PJA2: variants seen among roughly 807,000 people sequenced by gnomAD.
The protein encoded by PJA2 is E3 ubiquitin-protein ligase Praja-2.
In PJA2, 25 loss-of-function variants were observed where a neutral mutation model predicts 69.3. That is an observed-to-expected ratio of 0.36 (90% CI 0.26 to 0.50). The LOEUF (loss-of-function observed/expected upper bound fraction) is 0.50. Among genes scored for constraint, PJA2 ranks in the 20% least tolerant of loss-of-function variants. The probability of loss-of-function intolerance (pLI) is 0.96; values close to 1 mark genes in which losing one functional copy is unlikely to be tolerated. For missense variants in PJA2, 809 were observed against 830.2 expected, an observed-to-expected ratio of 0.97 and a Z score of 0.31; for synonymous variants, 308 against 277.8, an observed-to-expected ratio of 1.11 and a Z score of -1.08.
At chr5:109,406,811 T>C (rs1327646147) in intron 1 of PJA2, among the ~76,000 whole-genome samples, 1 of 152,238 alleles carries the variant, frequency 6.6e-6, no homozygotes, top group Non-Finnish European at 1.5e-5. Flanking sequence ...ATAGGTGGAA[T>C]GGTCAACAAA....
chr5:109,406,813 G>A (rs78157390), intron 1 of PJA2, among the ~76,000 whole-genome samples: 5,773 of 152,296 alleles, frequency 0.038, 112 homozygotes, highest in Middle Eastern at 0.051. Context: ...AGGTGGAATG[G>A]TCAACAAACT....
intron 7 of PJA2, among the ~76,000 whole-genome samples, chr5:109,346,035 A>G (rs1373974965): frequency 6.6e-6 from 1 of 152,132 alleles, no homozygotes; most frequent in Non-Finnish European, 1.5e-5. Context: ...CTTTCTGTCC[A>G]TCCTTTAAGT....
At chr5:109,365,899 AAAC>A (rs1437300043) in intron 5 of PJA2, among the ~76,000 whole-genome samples, 1 of 152,218 alleles carries the variant, frequency 6.6e-6, no homozygotes, top group East Asian at 1.9e-4. Flanking sequence ...ACAAATTTTA[AAAC>A]CTTGAAGGTT....
intron 1 of PJA2, among the ~76,000 whole-genome samples, chr5:109,392,139 A>T (rs1013214146): frequency 6.6e-6 from 1 of 152,228 alleles, no homozygotes; most frequent in African/African-American, 2.4e-5. Flanking sequence ...AGAATAACCA[A>T]AGTTATCACT....
At chr5:109,376,809 AACT>A (rs1470020431) in intron 4 of PJA2, among the ~76,000 whole-genome samples, 1 of 152,122 alleles carries the variant, frequency 6.6e-6, no homozygotes, top group Non-Finnish European at 1.5e-5. Flanking sequence ...CCAGATTTAG[AACT>A]ACTACTTAAC....
intron 5 of PJA2, 96 bp downstream of exon 5, chr5:109,368,465 C>T (rs543707692): frequency 8.7e-7 from 1 of 1,146,180 alleles, no homozygotes. Context: ...CTACATAAGG[C>T]TTATAAATAC....
In PJA2 at chr5:109,344,710, T is replaced by C. The variant is rs1762145474; in HGVS notation, c.1874A>G (p.His625Arg). ...GAGATCAACTTTGCCCTTACCAGTG[T>C]GATCTTCAAGAACAAGGGTCTCTGG... ...GLPETLVLED[H>R]TAIGQEQCCP... The change falls in exon 8 of 10, where the codon CAC (histidine) becomes CGC (arginine). Residue 625 changes from histidine to arginine, a missense_variant. Physicochemically the swap from His to Arg is conservative, Grantham distance 29 (BLOSUM62 0). This residue lies in a region of PJA2 where 55 missense variants were observed against 90.7 expected (regional missense o/e 0.61). Transcript: ENST00000361189. The C allele has an allele frequency of 6.8e-6, 11 of 1,610,846 alleles. No homozygotes were observed. Among genetic ancestry groups the C allele is most frequent in the Non-Finnish European group, 9.3e-6 (11 of 1,177,432 alleles).
intron 4 of PJA2, among the ~76,000 whole-genome samples, chr5:109,372,416 T>A (rs1454772487): frequency 6.6e-6 from 1 of 152,206 alleles, no homozygotes; most frequent in Non-Finnish European, 1.5e-5. Context: ...TTTCAAGACC[T>A]TCCTGTATAA....
intron 2 of PJA2, among the ~76,000 whole-genome samples, chr5:109,383,022 T>A (rs890439069): frequency 6.6e-6 from 1 of 152,142 alleles, no homozygotes; most frequent in Non-Finnish European, 1.5e-5. Flanking sequence ...TTTAATCCCA[T>A]CAGTAATCTT....
chr5:109,386,114 C>G (rs996427366), intron 1 of PJA2, among the ~76,000 whole-genome samples: 1 of 148,696 alleles, frequency 6.7e-6, no homozygotes, highest in Non-Finnish European at 1.5e-5. Context: ...CAGTGAGACT[C>G]TGTCTCAAAA....
rs953732315 is a variant in PJA2 at position 109,334,867 on chromosome 5, T to C, written c.*2364A>G. The C allele has an allele frequency of 6.6e-6, 1 of 152,568 alleles. No individual in the cohort carries two copies. Among genetic ancestry groups the C allele is most frequent in the Non-Finnish European group, 1.5e-5 (1 of 68,020 alleles). 9.5% of individuals were successfully genotyped at this position (152,568 alleles called of 1,614,324 possible). On this transcript the variant is annotated 3_prime_UTR_variant, in exon 10 of 10. Coordinates refer to ENST00000361189, the MANE Select transcript of PJA2 (RefSeq NM_014819.5). Reference sequence around the variant, plus strand: ...TAACAATTCGTATGTATCTAACAAATACATAAATCCAGATCACAAATAATC... The same window carrying C: ...TAACAATTCGTATGTATCTAACAAACACATAAATCCAGATCACAAATAATC...
At chr5:109,400,588 A>G (rs959583913) in intron 1 of PJA2, among the ~76,000 whole-genome samples, 1 of 152,270 alleles carries the variant, frequency 6.6e-6, no homozygotes, top group African/African-American at 2.4e-5. Context: ...AAATCCCAAG[A>G]AGCTCAGTGA....
At chr5:109,348,414 A>G (rs1762201037) in intron 7 of PJA2, among the ~76,000 whole-genome samples, 1 of 152,194 alleles carries the variant, frequency 6.6e-6, no homozygotes, top group African/African-American at 2.4e-5. Context: ...TAGTCTCATC[A>G]AATTTCTCAA....
At chr5:109,385,062 G>A (rs1302796577) in intron 1 of PJA2, among the ~76,000 whole-genome samples, 1 of 152,156 alleles carries the variant, frequency 6.6e-6, no homozygotes, top group Non-Finnish European at 1.5e-5. Flanking sequence ...TGATCCACCT[G>A]CCTTGGCCAC....
At chr5:109,373,422 C>T (rs1762709915) in intron 4 of PJA2, among the ~76,000 whole-genome samples, 1 of 151,942 alleles carries the variant, frequency 6.6e-6, no homozygotes, top group Admixed American at 6.6e-5. Context: ...ACTACTATCC[C>T]CTAATATGGA....
At chr5:109,350,673 A>G (rs933641249) in intron 7 of PJA2, among the ~76,000 whole-genome samples, 17 of 152,308 alleles carry the variant, frequency 1.1e-4, no homozygotes, top group Non-Finnish European at 2.2e-4. Context: ...TATTATTCCC[A>G]TTTTGTAAAT....
In PJA2 at chr5:109,378,452, T is replaced by C. The variant is rs1746951430; in HGVS notation, c.1035A>G (p.Arg345=). The C allele has an allele frequency of 1.9e-6, 3 of 1,614,166 alleles. No homozygotes were observed. The highest frequency in any genetic ancestry group is 2.2e-5 in the East Asian group (1 of 44,880). The part of the protein sequence containing the change: ...RHEAKQRSVQ[R]WREALEVEES... The stretch of plus-strand genomic sequence containing the variant: ...CCTCAACTTCCAAAGCCTCTCTCCA[T>C]CTTTGAACACTTCTTTGTTTCGCCT... Residue 345 remains arginine (R), a synonymous_variant, in exon 4 of 10, where the codon AGA becomes AGG. Transcript: ENST00000361189.
intron 1 of PJA2, among the ~76,000 whole-genome samples, chr5:109,385,652 G>T (rs895175909): frequency 6.6e-6 from 1 of 152,148 alleles, no homozygotes; most frequent in African/African-American, 2.4e-5. Flanking sequence ...ACCAAAACAG[G>T]TATGAACTTG....
intron 1 of PJA2, among the ~76,000 whole-genome samples, chr5:109,399,364 G>A (rs1177741421): frequency 6.6e-6 from 1 of 152,116 alleles, no homozygotes; most frequent in Non-Finnish European, 1.5e-5. Context: ...CCATCTCCAG[G>A]CTAGTCAGCA....
Sources: allele counts gnomAD v4.1 joint callset (sites outside exome capture counted in the v4.1 genomes callset), GRCh38; gene constraint gnomAD v4.1.1; regional missense constraint gnomAD v4.1.1; transcripts MANE v1.5; gene names NCBI Gene and HGNC (gene_info 2026-07-23, HGNC 2026-07-21).